Variants in ZDHHC17 observed in about 807,000 individuals in gnomAD.
ZDHHC17 encodes zDHHC palmitoyltransferase 17.
Under a neutral mutation model 90.3 loss-of-function variants are expected in ZDHHC17, and 40 were observed. The ratio of observed to expected loss-of-function variants is 0.44; its 90% CI spans 0.34 to 0.58. ZDHHC17 has a LOEUF of 0.58. Among genes scored for constraint, ZDHHC17 ranks in the 20% least tolerant of loss-of-function variants. ZDHHC17 has a pLI of 0.01. For synonymous variants in ZDHHC17, 235 were observed against 252.4 expected, an observed-to-expected ratio of 0.93 and a Z score of 0.65; for missense variants, 614 against 780.8, an observed-to-expected ratio of 0.79 and a Z score of 2.55.
chr12:76,848,170 A>AT, intron 14 of ZDHHC17, 63 bp from the exon 15 acceptor site: 1 of 1,564,896 alleles, frequency 6.4e-7, no homozygotes, highest in East Asian at 2.3e-5. Context: ...GCCAGCACAA[A>AT]TGCCTATATG....
intron 10 of ZDHHC17, among the ~76,000 whole-genome samples, chr12:76,838,673 C>T (rs1394593813): frequency 6.6e-6 from 1 of 152,160 alleles, no homozygotes; most frequent in Non-Finnish European, 1.5e-5. Flanking sequence ...CCCCACCAGC[C>T]ATCCCCTCAA....
At chr12:76,817,286 A>G (rs1265773738) in intron 7 of ZDHHC17, among the ~76,000 whole-genome samples, 2 of 152,140 alleles carry the variant, frequency 1.3e-5, no homozygotes, top group East Asian at 3.8e-4. Context: ...CAATATACTT[A>G]AAAGAAAATT....
chr12:76,846,434 T>G, intron 13 of ZDHHC17, 162 bp from the exon 14 acceptor site: 1 of 574,506 alleles, frequency 1.7e-6, no homozygotes, highest in East Asian at 2.8e-5. Flanking sequence ...TATTTAAGAT[T>G]TTTATTAAAA....
intron 1 of ZDHHC17, among the ~76,000 whole-genome samples, chr12:76,790,255 A>G (rs573610893): frequency 4.5e-4 from 68 of 152,300 alleles, no homozygotes; most frequent in African/African-American, 1.6e-3. Flanking sequence ...TAATCCCATC[A>G]CTTTGGGAGG....
intron 1 of ZDHHC17, among the ~76,000 whole-genome samples, chr12:76,776,636 A>G (rs536968339): frequency 1.3e-5 from 2 of 152,324 alleles, no homozygotes; most frequent in East Asian, 3.8e-4. Flanking sequence ...GGTGACCACC[A>G]CTGATGTGTG....
In ZDHHC17 at chr12:76,764,325, C is replaced by T. The variant is rs1952401935; in HGVS notation, c.89C>T (p.Pro30Leu). 2 of 1,597,702 alleles carry T rather than the reference C, an allele frequency of 1.3e-6. No individual in the cohort carries two copies. The highest frequency in any genetic ancestry group is 1.3e-5 in the African/African-American group (1 of 74,558). ...TEAGCVPLLH[P>L]EEIKPQSHYN... is the part of the protein sequence containing the mutation. The stretch of plus-strand genomic sequence containing the variant: ...GCGGGCTGTGTGCCCCTTCTCCACC[C>T]AGAGGTGAGGAACCGTGCTGAGTGG... The change falls in exon 1 of 17, where the codon CCA becomes CTA. Residue 30 changes from proline (P) to leucine (L), a missense_variant. Physicochemically the swap from Pro to Leu is moderately conservative, Grantham distance 98. Coordinates refer to ENST00000426126, the MANE Select transcript of ZDHHC17 (RefSeq NM_015336.4).
At chr12:76,787,314 G>T (rs1047481156) in intron 1 of ZDHHC17, among the ~76,000 whole-genome samples, 1 of 152,128 alleles carries the variant, frequency 6.6e-6, no homozygotes, top group Non-Finnish European at 1.5e-5. Flanking sequence ...GGATGAAATC[G>T]AGAATCTCCA....
At chr12:76,792,021 G>A (rs1007445362) in intron 1 of ZDHHC17, among the ~76,000 whole-genome samples, 12 of 152,066 alleles carry the variant, frequency 7.9e-5, no homozygotes, top group Admixed American at 3.3e-4. Context: ...CCAGAAACTC[G>A]TCAAATGTTG....
At position 76,764,149 on chromosome 12, in the gene ZDHHC17, C is replaced by A; in HGVS notation, c.-88C>A. 1 of 1,058,846 alleles carries A rather than the reference C, an allele frequency of 9.4e-7. No individual in the cohort carries two copies. The highest frequency in any genetic ancestry group is 1.7e-5 in the African/African-American group (1 of 60,362). The allele number at this position is 1,058,846 out of a possible 1,614,324, so 65.6% of individuals were successfully genotyped here. A position where few individuals can be genotyped will look rare whatever the true frequency, so the allele number is the denominator to read the frequency against. Reference sequence around the variant, plus strand: ...GCAGGAGAAGAAGGAGGAGGAGGCCCGCGTCGCCTCCGGCGGGGCTCGCGC... The same window carrying A: ...GCAGGAGAAGAAGGAGGAGGAGGCCAGCGTCGCCTCCGGCGGGGCTCGCGC... On this transcript the variant is annotated 5_prime_UTR_variant, in exon 1 of 17. Transcript: ENST00000426126.
At chr12:76,792,255 C>T (rs1952767136) in intron 1 of ZDHHC17, among the ~76,000 whole-genome samples, 1 of 152,156 alleles carries the variant, frequency 6.6e-6, no homozygotes, top group Non-Finnish European at 1.5e-5. Context: ...AGTCCTATCA[C>T]TCAGAAATTT....
intron 7 of ZDHHC17, among the ~76,000 whole-genome samples, chr12:76,818,179 T>G (rs1470357882): frequency 6.6e-6 from 1 of 152,096 alleles, no homozygotes; most frequent in Admixed American, 6.5e-5. Context: ...ACATTTATAC[T>G]TTCAGGGGAA....
intron 16 of ZDHHC17, 133 bp downstream of exon 16, chr12:76,849,603 C>A: frequency 1.7e-6 from 1 of 572,336 alleles, no homozygotes; most frequent in Non-Finnish European, 3.0e-6. Context: ...AGCATCAGTT[C>A]ACCATAATAA....
At chr12:76,764,805 C>A (rs1952412737) in intron 1 of ZDHHC17, 1 of 456,932 alleles carries the variant, frequency 2.2e-6, no homozygotes. Flanking sequence ...ATAGTGATGT[C>A]CTTCCAGGTA....
At position 76,852,029 on chromosome 12, in the gene ZDHHC17, G is replaced by T. The variant is rs749277318; in HGVS notation, c.*1044G>T. The T allele has an allele frequency of 6.6e-6, 1 of 152,582 alleles. No homozygotes were observed. Among genetic ancestry groups the T allele is most frequent in the African/African-American group, 2.4e-5 (1 of 41,452 alleles). 9.5% of individuals were successfully genotyped at this position (152,582 alleles called of 1,614,324 possible). On this transcript the variant is annotated 3_prime_UTR_variant, in exon 17 of 17. Coordinates refer to ENST00000426126, the MANE Select transcript of ZDHHC17 (RefSeq NM_015336.4). ...CAGTATATTCTGGTTTCAATAAAAT[G>T]ACCTATCAGAAAGTAGAATTTCATC...
At chr12:76,782,143 T>A (rs1952634298) in intron 1 of ZDHHC17, among the ~76,000 whole-genome samples, 1 of 152,214 alleles carries the variant, frequency 6.6e-6, no homozygotes, top group Non-Finnish European at 1.5e-5. Flanking sequence ...TGAAGAGTTA[T>A]CAGCTCAAAA....
intron 10 of ZDHHC17, chr12:76,840,933 A>G (rs551593002): frequency 3.4e-4 from 52 of 152,262 alleles, no homozygotes; most frequent in African/African-American, 1.2e-3. Context: ...AGTAATGTCA[A>G]GCCTCAGCAT....
chr12:76,825,691 T>C lies in ZDHHC17; in HGVS notation c.898-1217T>C, dbSNP rs572800548. Among the ~76,000 whole-genome samples the C allele has an allele frequency of 1.0e-3, 156 of 149,860 alleles. 2 individuals are homozygous for C. The East Asian group carries it at 0.027, about 26-fold the overall frequency. On this transcript the variant is annotated intron_variant, in intron 8 of 16. Transcript: ENST00000426126. ...TGGTCATTTATATGAAAAAAAAAAA[T>C]CCCACTTATTTCAGTGGAAGCTGAT...
chr12:76,765,669 A>G (rs1050173612), intron 1 of ZDHHC17, among the ~76,000 whole-genome samples: 3 of 152,222 alleles, frequency 2.0e-5, no homozygotes, highest in African/African-American at 7.2e-5. Context: ...CTGTGAAAGT[A>G]TTCGTGAAAG....
chr12:76,800,804 C>T (rs1952877335), intron 2 of ZDHHC17, among the ~76,000 whole-genome samples: 1 of 151,234 alleles, frequency 6.6e-6, no homozygotes. Context: ...TTCTGCCAAA[C>T]TGTCTTTGGG....
Sources: allele counts gnomAD v4.1 joint callset (sites outside exome capture counted in the v4.1 genomes callset), GRCh38; gene constraint gnomAD v4.1.1; transcripts MANE v1.5; gene names NCBI Gene and HGNC (gene_info 2026-07-23, HGNC 2026-07-21).